Variants in GNS observed in about 807,000 individuals in gnomAD.
GNS encodes the protein glucosamine (N-acetyl)-6-sulfatase.
Under a neutral mutation model 69.7 loss-of-function variants are expected in GNS, and 40 were observed. The ratio of observed to expected loss-of-function variants is 0.57; its 90% CI spans 0.45 to 0.75. The LOEUF is 0.75. Ranked by LOEUF, GNS falls within the 30% of genes least tolerant of loss-of-function variation. The pLI is 0.00. For missense variants in GNS, 565 were observed against 685.5 expected (o/e 0.82, Z 1.96); for synonymous variants, 243 against 251.6 (o/e 0.97, Z 0.32).
Position 64,739,472 on chromosome 12 carries a change from G to A in GNS, c.903C>T (p.Asp301=), listed in dbSNP as rs761143788. ...GCCTCTTGACCAGTTTCTCCACAAG[G>A]TCATCAACTGAGAGGAGAGTTTGCC... ...KRWQTLLSVD[D]LVEKLVKRLE... Residue 301 remains aspartate (D), a synonymous_variant, in exon 8 of 14, where the codon GAC becomes GAT. Coordinates refer to ENST00000258145, the MANE Select transcript of GNS (RefSeq NM_002076.4). 6.2e-7 allele frequency: 1 copy of A among 1,603,742 alleles called. No homozygotes were observed.
rs576874793 is a variant in GNS at position 64,724,878 on chromosome 12, A to C, written c.1201-1765T>G. ...TCTGTCTCGGAAAAAACAAACAAAC[A>C]AACCTCATGATGCTGCCAAACCTGA... On this transcript the variant is annotated intron_variant, in intron 10 of 13. Transcript: ENST00000258145. Among the ~76,000 whole-genome samples the C allele has an allele frequency of 4.6e-5, 7 of 152,244 alleles. No homozygotes were observed. The South Asian group carries it at 6.2e-4, about 14-fold the overall frequency.
chr12:64,740,798 G>C, intron 6 of GNS, 110 bp from the exon 7 acceptor site: 1 of 705,646 alleles, frequency 1.4e-6, no homozygotes, highest in Non-Finnish European at 2.6e-6. Flanking sequence ...ACTTCAGCAA[G>C]AAGGAACTAA....
At chr12:64,758,581 C>T (rs919248794) in intron 1 of GNS, among the ~76,000 whole-genome samples, 2 of 152,060 alleles carry the variant, frequency 1.3e-5, no homozygotes, top group Admixed American at 1.3e-4. Context: ...CCTCGGCCTC[C>T]CAAAGTGCTG....
At chr12:64,722,960 G>A in intron 11 of GNS, 46 bp downstream of exon 11, 1 of 1,116,246 alleles carries the variant, frequency 9.0e-7, no homozygotes, top group Non-Finnish European at 1.4e-6. Context: ...ACCTTGCCAT[G>A]TTGTCAGTGA....
chr12:64,745,356 A>G (rs1475896762), intron 4 of GNS, among the ~76,000 whole-genome samples: 1 of 151,642 alleles, frequency 6.6e-6, no homozygotes, highest in Non-Finnish European at 1.5e-5. Context: ...AGTAGCTGGG[A>G]CTACAGGCAC....
In GNS at chr12:64,714,805, A is replaced by G. The variant is rs1465764696; in HGVS notation, c.*1936T>C. Reference sequence around the variant, plus strand: ...ATGTGGAAGTTGACTGATAATGTTAAGAGTCAAAGTGAAAAAGAAAGCCGA... The same window carrying G: ...ATGTGGAAGTTGACTGATAATGTTAGGAGTCAAAGTGAAAAAGAAAGCCGA... On this transcript the variant is annotated 3_prime_UTR_variant, in exon 14 of 14. Transcript: ENST00000258145. The G allele has an allele frequency of 6.6e-6, 1 of 152,552 alleles. No individual in the cohort carries two copies. Among genetic ancestry groups the G allele is most frequent in the Non-Finnish European group, 1.5e-5 (1 of 68,032 alleles). The allele number at this position is 152,552 out of a possible 1,614,324, so 9.4% of individuals were successfully genotyped here. A position where few individuals can be genotyped will look rare whatever the true frequency, so the allele number is the denominator to read the frequency against.
rs138355639 is a variant in GNS, at chr12:64,716,817, T to C, written c.1583A>G (p.Tyr528Cys). The C allele has an allele frequency of 1.7e-5, 28 of 1,608,130 alleles. No homozygotes were observed. In the African/African-American group the frequency reaches 3.7e-4, roughly 21 times the overall value. Residue 528 changes from tyrosine (Y) to cysteine (C), a missense_variant and splice_region_variant, in exon 14 of 14, where the codon TAC becomes TGC. By Grantham distance (194) the Tyr-to-Cys change is radical (BLOSUM62 -2). Coordinates refer to ENST00000258145, the MANE Select transcript of GNS (RefSeq NM_002076.4). ...GAACATGAGACGGGGGTCAAACCTG[T>C]ATCTGGGGAGGAAAAACCAAATGTA... is the stretch of plus-strand genomic sequence containing the variant. ...CRTPGVFDPG[Y>C]RFDPRLMFSN...
intron 9 of GNS, among the ~76,000 whole-genome samples, chr12:64,735,121 AAAAAC>A (rs1313578256): frequency 1.3e-5 from 2 of 152,184 alleles, no homozygotes; most frequent in African/African-American, 4.8e-5. Context: ...AAAAAAATGA[AAAAAC>A]AAAACAAAAC....
chr12:64,734,090 C>T (rs926196757), intron 9 of GNS, among the ~76,000 whole-genome samples: 10 of 152,200 alleles, frequency 6.6e-5, no homozygotes, highest in African/African-American at 2.2e-4. Context: ...ACACATGATG[C>T]ATCACCCATC....
chr12:64,733,890 T>G (rs1869480934), intron 9 of GNS, among the ~76,000 whole-genome samples: 1 of 152,164 alleles, frequency 6.6e-6, no homozygotes, highest in Admixed American at 6.5e-5. Context: ...GGAGAAAACG[T>G]CAATAGTCAA....
At chr12:64,720,282 G>C in intron 12 of GNS, 100 bp from the exon 13 acceptor site, 1 of 770,466 alleles carries the variant, frequency 1.3e-6, no homozygotes, top group South Asian at 1.5e-5. Flanking sequence ...GGAGGAGGTA[G>C]ATTAAAAAAA....
rs752485867 is a variant in GNS at position 64,743,258 on chromosome 12, G to A, written c.675C>T (p.Phe225=). The A allele has an allele frequency of 1.2e-6, 2 of 1,613,216 alleles. No homozygotes were observed. The highest frequency in any genetic ancestry group is 1.1e-5 in the South Asian group (1 of 91,050). Reference sequence around the variant, plus strand: ...GCGCTGGAGTGGCGATCATCATGAAGAAGGGCTCAAAGTTGGACTTGTAGT... The same window carrying A: ...GCGCTGGAGTGGCGATCATCATGAAAAAGGGCTCAAAGTTGGACTTGTAGT... ...FLDYKSNFEP[F]FMMIATPAPH... Residue 225 remains phenylalanine (F), a synonymous_variant, in exon 6 of 14, where the codon TTC becomes TTT. Transcript: ENST00000258145.
chr12:64,726,092 C>T (rs1358294670), intron 10 of GNS, among the ~76,000 whole-genome samples: 1 of 148,610 alleles, frequency 6.7e-6, no homozygotes, highest in African/African-American at 2.5e-5. Flanking sequence ...TTTCCTCTAA[C>T]TGATCTATAG....
chr12:64,759,134 T>C lies in GNS; in HGVS notation c.143A>G (p.Asn48Ser), dbSNP rs370011049. The change falls in exon 1 of 14, where the codon AAC (asparagine) becomes AGC (serine). Residue 48 changes from asparagine (N) to serine (S), a missense_variant. By Grantham distance (46) the Asn-to-Ser change is conservative. Transcript: ENST00000258145. ...FGVAAGTRRP[N>S]VVLLLTDDQD... ...GTCGTCCGTGAGGAGCAGCACCACG[T>C]TGGGCCTCCGGGTTCCCGCAGCCAC... The C allele has an allele frequency of 4.9e-5, 77 of 1,561,292 alleles. No homozygotes were observed. The highest frequency in any genetic ancestry group is 5.8e-5 in the Admixed American group (3 of 52,040).
chr12:64,722,921 G>C, intron 11 of GNS, 85 bp downstream of exon 11: 1 of 831,072 alleles, frequency 1.2e-6, no homozygotes, highest in Non-Finnish European at 2.1e-6. Context: ...CAGATGAAAG[G>C]TTTCAATATT....
At chr12:64,756,776 C>T in intron 1 of GNS, 1 of 1,440,004 alleles carries the variant, frequency 6.9e-7, no homozygotes, top group Non-Finnish European at 9.4e-7. Context: ...GAAGAGAAGC[C>T]AGAATTCTTG....
intron 4 of GNS, among the ~76,000 whole-genome samples, chr12:64,745,204 CT>C (rs141453545): frequency 0.16 from 6,551 of 42,004 alleles, 417 homozygotes; most frequent in Non-Finnish European, 0.19. Context: ...AGTCAATAGA[CT>C]TTTTTTTTTT....
At position 64,745,267 on chromosome 12, in the gene GNS, T is replaced by A. The variant is rs529468461; in HGVS notation, c.526-360A>T. 2.3e-5 allele frequency among the ~76,000 whole-genome samples: 3 copies of A among 130,508 alleles called. No individual in the cohort carries two copies. In the South Asian group the frequency reaches 7.9e-4, roughly 34 times the overall value. The allele number at this position is 130,508 out of a possible 152,430, so 85.6% of individuals were successfully genotyped here. A position where few individuals can be genotyped will look rare whatever the true frequency, so the allele number is the denominator to read the frequency against. On this transcript the variant is annotated intron_variant, in intron 4 of 13. Coordinates refer to ENST00000258145, the MANE Select transcript of GNS (RefSeq NM_002076.4). ...CAGAGTCTCTCTTTGTTGCCCAGAC[T>A]GGAATGCAGTGGCACAATCACAGCT... is the stretch of plus-strand genomic sequence containing the variant.
intron 5 of GNS, among the ~76,000 whole-genome samples, 174 bp from the exon 6 acceptor site, chr12:64,743,482 T>A (rs1041005818): frequency 6.6e-6 from 1 of 152,210 alleles, no homozygotes; most frequent in African/African-American, 2.4e-5. Context: ...AATATATTTG[T>A]TTTTTAGGCA....
Sources: allele counts gnomAD v4.1 joint callset (sites outside exome capture counted in the v4.1 genomes callset), GRCh38; gene constraint gnomAD v4.1.1; transcripts MANE v1.5; gene names NCBI Gene and HGNC (gene_info 2026-07-23, HGNC 2026-07-21).